CSMD2: variants seen among roughly 807,000 people sequenced by gnomAD.
CSMD2 encodes the protein CUB and sushi domain-containing protein 2.
A neutral mutation model predicts 398.5 loss-of-function variants in CSMD2; 130 were observed. The ratio of observed to expected loss-of-function variants is 0.33; its 90% CI spans 0.28 to 0.38. The LOEUF is 0.38. Ranked by LOEUF, CSMD2 falls within the 10% of genes least tolerant of loss-of-function variation. The probability of loss-of-function intolerance (pLI) is 1.00; values close to 1 mark genes in which losing one functional copy is unlikely to be tolerated. For missense variants in CSMD2, 3,829 were observed against 4,764.9 expected, an observed-to-expected ratio of 0.80 and a Z score of 5.78; for synonymous variants, 1,828 against 1,908.5, an observed-to-expected ratio of 0.96 and a Z score of 1.10.
chr1:33,928,706 T>C (rs950063038), intron 4 of CSMD2, among the ~76,000 whole-genome samples: 2 of 152,200 alleles, frequency 1.3e-5, no homozygotes, highest in African/African-American at 2.4e-5. Flanking sequence ...AGGCTAGTTA[T>C]CCCAGTAGCA....
chr1:33,588,109 A>G (rs1398653638), intron 44 of CSMD2, among the ~76,000 whole-genome samples: 1 of 152,220 alleles, frequency 6.6e-6, no homozygotes, highest in Non-Finnish European at 1.5e-5. Flanking sequence ...TGGAGTGTTT[A>G]TTCTCTGCAA....
At chr1:34,022,470 A>C (rs1204655250) in intron 3 of CSMD2, among the ~76,000 whole-genome samples, 1 of 152,220 alleles carries the variant, frequency 6.6e-6, no homozygotes, top group Admixed American at 6.5e-5. Context: ...TCCTGTCCAG[A>C]AGCACACACA....
At chr1:34,141,476 C>T (rs867601027) in intron 1 of CSMD2, among the ~76,000 whole-genome samples, 7 of 152,262 alleles carry the variant, frequency 4.6e-5, no homozygotes, top group South Asian at 2.1e-4. Flanking sequence ...TTGAGGAAAC[C>T]TCTCCAAGGA....
Position 34,164,985 on chromosome 1 carries a change from C to T in CSMD2, c.113G>A (p.Arg38His). ...AGGCGGCGGCGTTGGCGGCGGCGGG[C>T]GGCCCCAGCGGCTCCCGGCGCCCGG... ...LVPGAGSRWG[R>H]PPPPTPPPLL... The change falls in exon 1 of 71, where the codon CGC becomes CAC. Residue 38 changes from arginine (R) to histidine (H), a missense_variant. This residue lies in a region of CSMD2 where 184 missense variants were observed against 217.7 expected (regional missense o/e 0.85). Transcript: ENST00000373381. The surrounding 1 kb of genome is among the most constrained non-coding windows in gnomAD (Gnocchi z 6.2). The T allele has an allele frequency of 8.3e-7, 1 of 1,209,508 alleles. No homozygotes were observed. Among genetic ancestry groups the T allele is most frequent in the Non-Finnish European group, 1.0e-6 (1 of 974,062 alleles). 74.9% of individuals were successfully genotyped at this position (1,209,508 alleles called of 1,614,324 possible).
intron 3 of CSMD2, among the ~76,000 whole-genome samples, chr1:33,991,008 T>C (rs561991279): frequency 1.4e-5 from 2 of 147,478 alleles, no homozygotes; most frequent in African/African-American, 5.1e-5. Context: ...ACTGGGTGTT[T>C]TGGGTTTTTT....
chr1:33,783,433 C>CTCTCTCTCAT (rs1289950457), intron 12 of CSMD2, among the ~76,000 whole-genome samples: 2 of 8,498 alleles, frequency 2.4e-4, no homozygotes, highest in African/African-American at 3.9e-4. Flanking sequence ...TTCTCTCATT[C>CTCTCTCTCAT]TCTCTCTCTC....
At chr1:33,658,286 A>G in intron 26 of CSMD2, 149 bp from the exon 27 acceptor site, 1 of 635,498 alleles carries the variant, frequency 1.6e-6, no homozygotes, top group South Asian at 1.9e-5. Context: ...CTGTAGCCAC[A>G]GTGCCACTAT....
intron 2 of CSMD2, among the ~76,000 whole-genome samples, chr1:34,056,829 T>C (rs1363210810): frequency 6.6e-6 from 1 of 152,032 alleles, no homozygotes; most frequent in Admixed American, 6.5e-5. Flanking sequence ...GGAGGGGATA[T>C]GAAACAGAAA....
At chr1:33,574,935 T>C (rs16835607) in intron 49 of CSMD2, among the ~76,000 whole-genome samples, 12,076 of 152,210 alleles carry the variant, frequency 0.079, 524 homozygotes, top group Middle Eastern at 0.099. Context: ...GCATGGAGAG[T>C]CAATCCAGGG....
intron 1 of CSMD2, among the ~76,000 whole-genome samples, chr1:34,151,114 A>C (rs1455382070): frequency 6.6e-6 from 1 of 152,134 alleles, no homozygotes; most frequent in African/African-American, 2.4e-5. Context: ...CTCACTTTTG[A>C]AGAGCCTGCT....
At chr1:33,598,669 T>G (rs1168600936) in intron 44 of CSMD2, 7 of 143,600 alleles carry the variant, frequency 4.9e-5, no homozygotes, top group African/African-American at 1.9e-4. Context: ...TCCTGTGTTT[T>G]TTTTTTTTTT....
chr1:33,851,263 G>T (rs140956827), intron 5 of CSMD2, among the ~76,000 whole-genome samples: 1 of 152,248 alleles, frequency 6.6e-6, no homozygotes, highest in African/African-American at 2.4e-5. Context: ...CAGCTGCAAT[G>T]CCTTCTTTTC....
intron 16 of CSMD2, among the ~76,000 whole-genome samples, chr1:33,726,197 A>G (rs1646523018): frequency 1.3e-5 from 2 of 152,086 alleles, no homozygotes; most frequent in East Asian, 1.9e-4. Flanking sequence ...CACGTTGGAC[A>G]TTTCCAGGAG....
intron 6 of CSMD2, among the ~76,000 whole-genome samples, chr1:33,846,440 G>C (rs1557995019): frequency 6.6e-6 from 1 of 152,218 alleles, no homozygotes; most frequent in Non-Finnish European, 1.5e-5. Context: ...AAGAGGGTGG[G>C]CTCCAGACTC....
chr1:34,156,241 CT>C (rs1232527993), intron 1 of CSMD2, among the ~76,000 whole-genome samples: 24 of 152,226 alleles, frequency 1.6e-4, no homozygotes, highest in African/African-American at 5.8e-4. Context: ...ACTGAACTCT[CT>C]CCATTCCTGA....
chr1:33,719,550 G>A (rs1557784711), intron 19 of CSMD2, among the ~76,000 whole-genome samples: 1 of 152,130 alleles, frequency 6.6e-6, no homozygotes, highest in African/African-American at 2.4e-5. Context: ...GATTTGATGT[G>A]ACAGATGCAC....
intron 44 of CSMD2, among the ~76,000 whole-genome samples, chr1:33,589,023 C>T (rs1262119037): frequency 6.6e-6 from 1 of 152,172 alleles, no homozygotes; most frequent in African/African-American, 2.4e-5. Context: ...AAATGGTGTA[C>T]TATGTTTTGG....
chr1:33,790,826 T>TATCTATCTATC (rs1249574252), intron 11 of CSMD2, among the ~76,000 whole-genome samples: 7 of 152,064 alleles, frequency 4.6e-5, no homozygotes, highest in African/African-American at 1.7e-4. Flanking sequence ...TCTATCTATC[T>TATCTATCTATC]ATCTATCTAT....
At chr1:34,120,032 A>G (rs1174571514) in intron 1 of CSMD2, among the ~76,000 whole-genome samples, 1 of 152,260 alleles carries the variant, frequency 6.6e-6, no homozygotes, top group South Asian at 2.1e-4. Context: ...ATGTACCTAC[A>G]TGGATGAATG....
Sources: allele counts gnomAD v4.1 joint callset (sites outside exome capture counted in the v4.1 genomes callset), GRCh38; gene constraint gnomAD v4.1.1; regional missense constraint gnomAD v4.1.1; non-coding constraint Gnocchi (gnomAD v3.1); transcripts MANE v1.5; gene names NCBI Gene and HGNC (gene_info 2026-07-23, HGNC 2026-07-21).